ELMO1: variants seen among roughly 807,000 people sequenced by gnomAD.
ELMO1 encodes the protein engulfment and cell motility protein 1.
In ELMO1, 26 loss-of-function variants were observed where a neutral mutation model predicts 98.9. The ratio of observed to expected loss-of-function variants is 0.26; its 90% confidence interval spans 0.19 to 0.36. The LOEUF is 0.36. Among genes scored for constraint, ELMO1 ranks in the 10% least tolerant of loss-of-function variants. The probability of loss-of-function intolerance (pLI) is 1.00; values close to 1 mark genes in which losing one functional copy is unlikely to be tolerated. For missense variants in ELMO1, 627 were observed against 935.2 expected (o/e 0.67, Z 4.30); for synonymous variants, 346 against 346.0 (o/e 1.00, Z 0.00).
intron 1 of ELMO1, among the ~76,000 whole-genome samples, chr7:37,425,231 C>T (rs951909643): frequency 1.3e-5 from 2 of 152,182 alleles, no homozygotes; most frequent in Non-Finnish European, 2.9e-5. Context: ...CTCTTCTGGG[C>T]TGTGGACTGA....
chr7:36,922,368 A>C (rs575348980), intron 16 of ELMO1, among the ~76,000 whole-genome samples: 5 of 147,930 alleles, frequency 3.4e-5, no homozygotes, highest in African/African-American at 5.1e-5. Flanking sequence ...AAAAAAAAAA[A>C]CCAACAGATA....
chr7:37,291,059 T>A (rs925176878), intron 4 of ELMO1, among the ~76,000 whole-genome samples: 4 of 152,180 alleles, frequency 2.6e-5, no homozygotes, highest in South Asian at 2.1e-4. Context: ...GAAACCCCTA[T>A]ATTCACAAAA....
intron 20 of ELMO1, among the ~76,000 whole-genome samples, chr7:36,869,525 T>C (rs921910870): frequency 3.3e-5 from 5 of 152,228 alleles, no homozygotes; most frequent in African/African-American, 1.2e-4. Flanking sequence ...ACACTGGAAA[T>C]AAAGATGCAA....
At chr7:37,162,344 G>C (rs1331955299) in intron 13 of ELMO1, among the ~76,000 whole-genome samples, 2 of 152,144 alleles carry the variant, frequency 1.3e-5, no homozygotes, top group Non-Finnish European at 2.9e-5. Context: ...AGGCTCTTCT[G>C]AAATGTTCTG....
intron 4 of ELMO1, among the ~76,000 whole-genome samples, chr7:37,304,498 C>G (rs1379029464): frequency 1.3e-5 from 2 of 152,136 alleles, no homozygotes; most frequent in Non-Finnish European, 2.9e-5. Context: ...GGTGGATAAC[C>G]TGAGGTCAGG....
intron 16 of ELMO1, among the ~76,000 whole-genome samples, chr7:36,937,313 C>T (rs78607786): frequency 1.7e-3 from 265 of 152,268 alleles, no homozygotes; most frequent in Non-Finnish European, 3.1e-3. Context: ...ACAGGGAGAA[C>T]GCCACGTGAC....
chr7:37,444,276 A>C (rs555810806), intron 1 of ELMO1, among the ~76,000 whole-genome samples: 1 of 152,346 alleles, frequency 6.6e-6, no homozygotes, highest in African/African-American at 2.4e-5. Context: ...CACTAGATGT[A>C]AAATATGAAA....
intron 15 of ELMO1, among the ~76,000 whole-genome samples, chr7:37,073,570 GTA>G (rs889296480): frequency 4.8e-5 from 7 of 145,474 alleles, no homozygotes; most frequent in Non-Finnish European, 7.5e-5. Flanking sequence ...TGTTGTTTTT[GTA>G]TGTGTGTGTG....
chr7:36,935,047 G>T (rs182132940), intron 16 of ELMO1, among the ~76,000 whole-genome samples: 1 of 152,306 alleles, frequency 6.6e-6, no homozygotes, highest in Non-Finnish European at 1.5e-5. Flanking sequence ...ATATGGTTTG[G>T]CTGTGTCCTC....
At chr7:37,162,079 C>T (rs914556454) in intron 13 of ELMO1, among the ~76,000 whole-genome samples, 30 of 149,442 alleles carry the variant, frequency 2.0e-4, no homozygotes, top group African/African-American at 5.4e-4. Context: ...AAAAAGTGCA[C>T]GGTGGGGGTA....
intron 1 of ELMO1, among the ~76,000 whole-genome samples, chr7:37,413,343 T>C (rs1484011630): frequency 1.3e-5 from 2 of 152,184 alleles, no homozygotes; most frequent in African/African-American, 4.8e-5. Flanking sequence ...TGGTTATTTG[T>C]GTGTCTGTCT....
chr7:37,033,279 G>T (rs182959324), intron 15 of ELMO1: 1 of 414,458 alleles, frequency 2.4e-6, no homozygotes, highest in Non-Finnish European at 4.9e-6. Flanking sequence ...CCTTCCAGGG[G>T]ATCCTTGTGC....
Position 37,087,612 on chromosome 7 carries a change from C to A in ELMO1, c.1300+9007G>T, listed in dbSNP as rs528210126. On this transcript the variant is annotated intron_variant, in intron 15 of 21. Coordinates refer to ENST00000310758, the MANE Select transcript of ELMO1 (RefSeq NM_014800.11). Reference sequence around the variant, plus strand: ...CACTGACCTGTTTCATATTTTCAAGCTCCTCTTGCTTCCCTGAGACAAATG... The same window carrying A: ...CACTGACCTGTTTCATATTTTCAAGATCCTCTTGCTTCCCTGAGACAAATG... Among the ~76,000 whole-genome samples, 7 of 152,262 alleles carry A rather than the reference C, an allele frequency of 4.6e-5. No homozygotes were observed. The South Asian group carries it at 8.3e-4, about 18-fold the overall frequency.
chr7:37,137,254 G>C (rs866131162), intron 13 of ELMO1, among the ~76,000 whole-genome samples: 2 of 152,082 alleles, frequency 1.3e-5, no homozygotes, highest in Non-Finnish European at 2.9e-5. Flanking sequence ...TCTAACACTG[G>C]ATCTCCCAAA....
chr7:36,990,009 C>A (rs1791765909), intron 16 of ELMO1, among the ~76,000 whole-genome samples: 1 of 152,156 alleles, frequency 6.6e-6, no homozygotes, highest in Admixed American at 6.5e-5. Flanking sequence ...CAAATAAGCT[C>A]TTTCGTCCAC....
At chr7:37,118,655 G>A (rs1785767446) in intron 14 of ELMO1, among the ~76,000 whole-genome samples, 1 of 152,206 alleles carries the variant, frequency 6.6e-6, no homozygotes, top group Non-Finnish European at 1.5e-5. Flanking sequence ...TGCTGGCGGT[G>A]TGCTCAGAAC....
At chr7:37,067,067 G>C (rs1797020933) in intron 15 of ELMO1, among the ~76,000 whole-genome samples, 1 of 152,158 alleles carries the variant, frequency 6.6e-6, no homozygotes, top group African/African-American at 2.4e-5. Flanking sequence ...CTGAATTTAT[G>C]AGACAAACTT....
intron 17 of ELMO1, among the ~76,000 whole-genome samples, chr7:36,888,151 C>T (rs562273618): frequency 6.6e-6 from 1 of 152,270 alleles, no homozygotes; most frequent in Non-Finnish European, 1.5e-5. Context: ...AACCACAGGA[C>T]CACTTTTGCT....
At chr7:37,065,203 G>A (rs1359004379) in intron 15 of ELMO1, among the ~76,000 whole-genome samples, 1 of 149,982 alleles carries the variant, frequency 6.7e-6, no homozygotes. Context: ...TTTTTGAGGT[G>A]GACTCCTTCT....
Sources: allele counts gnomAD v4.1 joint callset (sites outside exome capture counted in the v4.1 genomes callset), GRCh38; gene constraint gnomAD v4.1.1; transcripts MANE v1.5; gene names NCBI Gene and HGNC (gene_info 2026-07-23, HGNC 2026-07-21).